PTPRD: variants seen among roughly 807,000 people sequenced by gnomAD.
PTPRD encodes protein tyrosine phosphatase receptor type D, also known as receptor-type tyrosine-protein phosphatase delta.
Under a neutral mutation model 214.5 loss-of-function variants are expected in PTPRD, and 34 were observed. The observed-to-expected ratio is 0.16, with a 90% CI of 0.12 to 0.21. The LOEUF is 0.21. Ranked by LOEUF, PTPRD falls within the 10% of genes least tolerant of loss-of-function variation. The pLI is 1.00. For missense variants in PTPRD, 2,545 were observed against 2,398.7 expected (o/e 1.06, Z -1.27); for synonymous variants, 1,128 against 845.7 (o/e 1.33, Z -5.79).
At chr9:10,237,066 C>T (rs997633737) in intron 3 of PTPRD, among the ~76,000 whole-genome samples, 1 of 151,680 alleles carries the variant, frequency 6.6e-6, no homozygotes, top group South Asian at 2.1e-4. Flanking sequence ...AAGAGTCAAC[C>T]CTAATGTAAA....
chr9:9,100,011 A>G (rs1244093763), intron 10 of PTPRD, among the ~76,000 whole-genome samples: 1 of 152,222 alleles, frequency 6.6e-6, no homozygotes, highest in African/African-American at 2.4e-5. Context: ...TTAAAGAAAT[A>G]CTTCTAAAAG....
intron 27 of PTPRD, among the ~76,000 whole-genome samples, chr9:8,492,002 T>C (rs997668566): frequency 2.0e-5 from 3 of 152,244 alleles, no homozygotes; most frequent in African/African-American, 7.2e-5. Flanking sequence ...CATTCTACAA[T>C]GCCAGATTTT....
chr9:9,108,698 T>G (rs2099802102), intron 10 of PTPRD, among the ~76,000 whole-genome samples: 1 of 152,156 alleles, frequency 6.6e-6, no homozygotes, highest in Non-Finnish European at 1.5e-5. Flanking sequence ...TACAGCACAT[T>G]GACCAGACCA....
rs189948920 is a variant in PTPRD, at chr9:8,601,475, C to A, written c.352+31842G>T. 2.0e-5 allele frequency among the ~76,000 whole-genome samples: 3 copies of A among 152,220 alleles called. No homozygotes were observed. In the East Asian group the frequency reaches 5.8e-4, roughly 29 times the overall value. On this transcript the variant is annotated intron_variant, in intron 14 of 45. Coordinates refer to ENST00000381196, the MANE Select transcript of PTPRD (RefSeq NM_002839.4). The stretch of plus-strand genomic sequence containing the variant: ...GCTTCAGCTATGACACAGCATAGTC[C>A]CAGTGGTGATGGCCACAGGGTTTTT...
At chr9:8,329,010 C>T (rs995128487) in intron 44 of PTPRD, among the ~76,000 whole-genome samples, 6 of 152,094 alleles carry the variant, frequency 3.9e-5, no homozygotes, top group African/African-American at 7.2e-5. Context: ...TTATTACCCA[C>T]GTTCTGAAGC....
chr9:10,019,458 C>T (rs2096797981), intron 4 of PTPRD, among the ~76,000 whole-genome samples: 1 of 152,188 alleles, frequency 6.6e-6, no homozygotes, highest in East Asian at 1.9e-4. Flanking sequence ...AATCATGCTG[C>T]TATAAAGACA....
chr9:9,455,899 G>C (rs1467003773), intron 8 of PTPRD, among the ~76,000 whole-genome samples: 1 of 151,694 alleles, frequency 6.6e-6, no homozygotes, highest in East Asian at 1.9e-4. Context: ...GCAAGGCATT[G>C]ATTAAGCTGA....
At chr9:10,521,016 T>C (rs1474454597) in intron 2 of PTPRD, among the ~76,000 whole-genome samples, 1 of 151,842 alleles carries the variant, frequency 6.6e-6, no homozygotes, top group Non-Finnish European at 1.5e-5. Context: ...AAATTTTTAC[T>C]TTCAAGTCAT....
At chr9:10,002,192 C>A (rs1037485447) in intron 4 of PTPRD, among the ~76,000 whole-genome samples, 3 of 149,762 alleles carry the variant, frequency 2.0e-5, no homozygotes, top group Non-Finnish European at 4.5e-5. Context: ...AACATAGGAA[C>A]CAAACTGGTA....
At chr9:10,421,475 A>G (rs1161416140) in intron 2 of PTPRD, among the ~76,000 whole-genome samples, 1 of 151,948 alleles carries the variant, frequency 6.6e-6, no homozygotes, top group Non-Finnish European at 1.5e-5. Flanking sequence ...CTGATTGGCT[A>G]TAACAACTAA....
intron 3 of PTPRD, among the ~76,000 whole-genome samples, chr9:10,212,889 G>A (rs560059356): frequency 3.3e-5 from 5 of 152,208 alleles, no homozygotes; most frequent in South Asian, 2.1e-4. Context: ...AAGGAATTCC[G>A]GCAGATGTGC....
chr9:9,464,716 T>C (rs2093985381), intron 8 of PTPRD, among the ~76,000 whole-genome samples: 1 of 152,166 alleles, frequency 6.6e-6, no homozygotes. Flanking sequence ...AAATATAAAA[T>C]CCATCTGCAG....
intron 3 of PTPRD, among the ~76,000 whole-genome samples, chr9:10,187,504 A>T (rs1175780274): frequency 1.3e-5 from 2 of 152,234 alleles, no homozygotes; most frequent in Non-Finnish European, 2.9e-5. Flanking sequence ...AACTGGTCCC[A>T]TCTATTTACT....
intron 11 of PTPRD, among the ~76,000 whole-genome samples, chr9:8,943,405 T>C (rs1409486266): frequency 1.3e-5 from 2 of 151,840 alleles, no homozygotes; most frequent in Non-Finnish European, 2.9e-5. Context: ...CAAAACAGCA[T>C]GGTTCTGAGA....
chr9:10,012,766 T>C (rs1035691628), intron 4 of PTPRD, among the ~76,000 whole-genome samples: 5 of 152,046 alleles, frequency 3.3e-5, no homozygotes, highest in South Asian at 2.1e-4. Flanking sequence ...AGTGTGTTCT[T>C]GATAGAAAGA....
At chr9:10,555,141 TACTGTCAGAAA>T (rs549054877) in intron 2 of PTPRD, among the ~76,000 whole-genome samples, 82 of 152,314 alleles carry the variant, frequency 5.4e-4, no homozygotes, top group Non-Finnish European at 1.1e-3. Context: ...ACCTTTAAAC[TACTGTCAGAAA>T]ACCTTTCCAC....
intron 11 of PTPRD, among the ~76,000 whole-genome samples, chr9:8,835,477 C>T (rs2097398189): frequency 6.6e-6 from 1 of 152,196 alleles, no homozygotes; most frequent in Admixed American, 6.5e-5. Flanking sequence ...TCACCGCATA[C>T]ACTGATAGAC....
intron 3 of PTPRD, among the ~76,000 whole-genome samples, chr9:10,150,187 G>C (rs1330196028): frequency 2.0e-5 from 3 of 152,106 alleles, no homozygotes; most frequent in African/African-American, 7.2e-5. Flanking sequence ...TTGTAATAGT[G>C]AGGAACAAAA....
chr9:10,000,590 G>T (rs1191565705), intron 4 of PTPRD, among the ~76,000 whole-genome samples: 1 of 152,182 alleles, frequency 6.6e-6, no homozygotes, highest in African/African-American at 2.4e-5. Context: ...TAATACAGGA[G>T]TTATTAAGAA....
Sources: allele counts gnomAD v4.1 joint callset (sites outside exome capture counted in the v4.1 genomes callset), GRCh38; gene constraint gnomAD v4.1.1; transcripts MANE v1.5; gene names NCBI Gene and HGNC (gene_info 2026-07-23, HGNC 2026-07-21).